The following NCALD variants were observed in gnomAD, a reference collection of about 807,000 sequenced individuals.
NCALD encodes neurocalcin delta, also known as neurocalcin-delta.
In NCALD, 10 loss-of-function variants were observed where a neutral mutation model predicts 18.6. The ratio of observed to expected loss-of-function variants is 0.54; its 90% confidence interval spans 0.33 to 0.91. NCALD has a LOEUF of 0.91. Among genes scored for constraint, NCALD ranks in the 40% least tolerant of loss-of-function variants. NCALD has a pLI of 0.03. For synonymous variants in NCALD, 88 were observed against 87.4 expected, an observed-to-expected ratio of 1.01 and a Z score of -0.04; for missense variants, 184 against 247.6, an observed-to-expected ratio of 0.74 and a Z score of 1.72.
intron 2 of NCALD, among the ~76,000 whole-genome samples, chr8:102,004,515 A>G (rs1821616604): frequency 6.6e-6 from 1 of 152,206 alleles, no homozygotes; most frequent in African/African-American, 2.4e-5. Context: ...TCTTCACAGA[A>G]TTGGAAAAAA....
chr8:101,704,862 T>G (rs1815433628), intron 2 of NCALD, among the ~76,000 whole-genome samples: 1 of 150,474 alleles, frequency 6.6e-6, no homozygotes, highest in Non-Finnish European at 1.5e-5. Context: ...GAGGTTGCAG[T>G]AAGCTGAGAT....
chr8:101,892,083 G>A lies in NCALD; in HGVS notation c.-106-4856C>T, dbSNP rs867890524. 4.2e-4 allele frequency among the ~76,000 whole-genome samples: 64 copies of A among 151,998 alleles called. No homozygotes were observed. In the Middle Eastern group the frequency reaches 0.01, roughly 24 times the overall value. On this transcript the variant is annotated intron_variant, in intron 3 of 6. Coordinates refer to the NCALD transcript ENST00000311028. Reference sequence around the variant, plus strand: ...CAGGGCACAGACAAACAAAAAGACAGCAGTAACCTCTGCAGACTTAAATGT... The same window carrying A: ...CAGGGCACAGACAAACAAAAAGACAACAGTAACCTCTGCAGACTTAAATGT...
chr8:101,758,937 T>G (rs1563738675), intron 1 of NCALD, among the ~76,000 whole-genome samples: 1 of 152,184 alleles, frequency 6.6e-6, no homozygotes, highest in African/African-American at 2.4e-5. Context: ...AGAGCTCTTT[T>G]ACTACAAAGT....
At chr8:101,847,800 G>C (rs920104092) in intron 4 of NCALD, among the ~76,000 whole-genome samples, 3 of 152,166 alleles carry the variant, frequency 2.0e-5, no homozygotes, top group African/African-American at 7.2e-5. Flanking sequence ...CACCTCCCAG[G>C]TGTCCTGAGG....
intron 2 of NCALD, among the ~76,000 whole-genome samples, chr8:101,957,288 G>GTTTTTTTTTTTTT (rs1563932101): frequency 7.8e-6 from 1 of 128,188 alleles, no homozygotes; most frequent in African/African-American, 3.1e-5. Context: ...GAAAAGTTGG[G>GTTTTTTTTTTTTT]GTTTTTTTTT....
At chr8:101,835,748 A>C (rs1157465911) in intron 4 of NCALD, among the ~76,000 whole-genome samples, 1 of 152,060 alleles carries the variant, frequency 6.6e-6, no homozygotes, top group Non-Finnish European at 1.5e-5. Flanking sequence ...GCATGTGGCC[A>C]GGGCAGAAGG....
intron 3 of NCALD, 66 bp downstream of exon 3, chr8:101,692,725 G>T: frequency 6.6e-7 from 1 of 1,505,494 alleles, no homozygotes; most frequent in Non-Finnish European, 9.2e-7. Context: ...GCACTTCCCA[G>T]TCTGGACTCT....
chr8:101,858,208 G>A lies in NCALD; in HGVS notation c.-20+28933C>T, dbSNP rs1344245598. Among the ~76,000 whole-genome samples, 12 of 152,128 alleles carry A rather than the reference G, an allele frequency of 7.9e-5. 1 individual carries two copies. Among genetic ancestry groups the A allele is most frequent in the Admixed American group, 7.9e-4 (12 of 15,270 alleles). On this transcript the variant is annotated intron_variant, in intron 4 of 6. Transcript: ENST00000311028. ...GAAGAAGAGATAACATGAGAAGAGAGATATCAACAAAATTTCAGAAAATGG... is the reference window on the plus strand; with the variant it reads ...GAAGAAGAGATAACATGAGAAGAGAAATATCAACAAAATTTCAGAAAATGG...
chr8:101,893,269 C>A (rs1400322631), intron 3 of NCALD, among the ~76,000 whole-genome samples: 1 of 151,266 alleles, frequency 6.6e-6, no homozygotes, highest in South Asian at 2.1e-4. Context: ...AACTAAGCTT[C>A]ATAAGTGAAG....
At chr8:102,018,882 T>C (rs1822178730) in intron 2 of NCALD, among the ~76,000 whole-genome samples, 1 of 152,068 alleles carries the variant, frequency 6.6e-6, no homozygotes, top group African/African-American at 2.4e-5. Context: ...AGACATATTA[T>C]AGATTGAAAT....
At chr8:101,758,813 G>C (rs1443140074) in intron 1 of NCALD, among the ~76,000 whole-genome samples, 1 of 145,550 alleles carries the variant, frequency 6.9e-6, no homozygotes, top group African/African-American at 2.5e-5. Flanking sequence ...ATAGTGCTGG[G>C]ACACAGGATG....
chr8:102,020,931 A>C (rs1235491581), intron 1 of NCALD, among the ~76,000 whole-genome samples: 1 of 152,064 alleles, frequency 6.6e-6, no homozygotes, highest in Non-Finnish European at 1.5e-5. Flanking sequence ...CTTGGCCAGG[A>C]CCACCTTTCT....
At chr8:101,710,913 G>A (rs1777846912) in intron 2 of NCALD, among the ~76,000 whole-genome samples, 1 of 152,172 alleles carries the variant, frequency 6.6e-6, no homozygotes, top group Non-Finnish European at 1.5e-5. Context: ...CTCAAGCTCT[G>A]CTAAGGGACA....
intron 1 of NCALD, among the ~76,000 whole-genome samples, chr8:101,751,371 A>G (rs540729187): frequency 6.6e-6 from 1 of 152,278 alleles, no homozygotes; most frequent in East Asian, 1.9e-4. Flanking sequence ...CTGGAGAGTT[A>G]GTGTTTCACA....
chr8:102,000,162 G>A (rs1821397297), intron 2 of NCALD, among the ~76,000 whole-genome samples: 2 of 152,124 alleles, frequency 1.3e-5, no homozygotes, highest in South Asian at 4.1e-4. Flanking sequence ...TGGAAAATCG[G>A]GTCACTCCCA....
chr8:102,020,362 AATAG>A (rs1172541072), intron 1 of NCALD: 1 of 152,182 alleles, frequency 6.6e-6, no homozygotes, highest in Non-Finnish European at 1.5e-5. Flanking sequence ...AAATACATCT[AATAG>A]ATGTATTTAT....
intron 2 of NCALD, among the ~76,000 whole-genome samples, chr8:101,928,208 T>C (rs1818409085): frequency 6.6e-6 from 1 of 152,220 alleles, no homozygotes; most frequent in Non-Finnish European, 1.5e-5. Context: ...GCTCATCTTC[T>C]AGGAAAATGA....
rs11305701 is a variant in NCALD, at chr8:101,957,289, G to GTTTTTTTT, written c.-156-41439_-156-41432dup. ...ATGGGTAGTAAAAAGAAAAGTTGGGGTTTTTTTTTTTTTTTTTTTTTTTTT... is the reference window on the plus strand; with the variant it reads ...ATGGGTAGTAAAAAGAAAAGTTGGGGTTTTTTTTTTTTTTTTTTTTTTTTTTTTTTTTT... On this transcript the variant is annotated intron_variant, in intron 2 of 6. Coordinates refer to the NCALD transcript ENST00000311028. 3.3e-4 allele frequency among the ~76,000 whole-genome samples: 33 copies of GTTTTTTTT among 99,492 alleles called. 1 individual carries two copies. The highest frequency in any genetic ancestry group is 1.1e-3 in the African/African-American group (27 of 25,136). The allele number at this position is 99,492 out of a possible 152,430, so 65.3% of individuals were successfully genotyped here.
At chr8:101,769,527 T>G (rs1476138955) in intron 1 of NCALD, among the ~76,000 whole-genome samples, 1 of 152,142 alleles carries the variant, frequency 6.6e-6, no homozygotes, top group East Asian at 1.9e-4. Context: ...ATCCTCGAAG[T>G]GGCTCACATT....
Sources: gnomAD v4.1 joint callset for allele counts (sites outside exome capture counted in the v4.1 genomes callset) on GRCh38, gnomAD v4.1.1 for gene constraint, MANE v1.5 for transcripts, NCBI Gene and HGNC (gene_info 2026-07-23, HGNC 2026-07-21) for gene names.